RBFOX1: variants seen among roughly 807,000 people sequenced by gnomAD.
RBFOX1 encodes RNA binding protein fox-1 homolog 1.
A neutral mutation model predicts 57.7 loss-of-function variants in RBFOX1; 8 were observed. The ratio of observed to expected loss-of-function variants is 0.14; its 90% CI spans 0.08 to 0.25. The LOEUF is 0.25. Ranked by LOEUF, RBFOX1 falls within the 10% of genes least tolerant of loss-of-function variation. RBFOX1 has a pLI of 1.00. For missense variants in RBFOX1, 611 were observed against 548.5 expected (o/e 1.11, Z -1.14); for synonymous variants, 326 against 222.4 (o/e 1.47, Z -4.15).
At chr16:6,298,188 G>A (rs1339686786) in intron 1 of RBFOX1, among the ~76,000 whole-genome samples, 1 of 152,206 alleles carries the variant, frequency 6.6e-6, no homozygotes, top group African/African-American at 2.4e-5. Context: ...GGTTTGAGCA[G>A]TGGCAGCAAT....
chr16:5,810,848 C>G (rs1177649538), intron 3 of RBFOX1, among the ~76,000 whole-genome samples: 2 of 152,036 alleles, frequency 1.3e-5, no homozygotes, highest in African/African-American at 2.4e-5. Flanking sequence ...TGGGAATGTT[C>G]TCTTGTTTAG....
At chr16:6,509,255 G>T (rs13332367) in intron 2 of RBFOX1, among the ~76,000 whole-genome samples, 13,929 of 152,160 alleles carry the variant, frequency 0.092, 745 homozygotes, top group Middle Eastern at 0.13. Flanking sequence ...TTCCTATGCG[G>T]TTATTTGAGC....
chr16:7,292,479 TATATA>T (rs1227908997), intron 4 of RBFOX1, among the ~76,000 whole-genome samples: 5 of 139,598 alleles, frequency 3.6e-5, no homozygotes, highest in African/African-American at 1.3e-4. Flanking sequence ...TATAATGTAT[TATATA>T]ATATGTATTA....
At chr16:6,705,643 C>T (rs1164680188) in intron 3 of RBFOX1, 1 of 152,116 alleles carries the variant, frequency 6.6e-6, no homozygotes, top group African/African-American at 2.4e-5. Context: ...AAATATTTTA[C>T]AGTGCAAGAA....
At chr16:7,628,860 G>T (rs917766619) in intron 10 of RBFOX1, among the ~76,000 whole-genome samples, 1 of 152,036 alleles carries the variant, frequency 6.6e-6, no homozygotes, top group Non-Finnish European at 1.5e-5. Flanking sequence ...TGATCTACCT[G>T]CCTTGGCCTC....
chr16:5,364,691 C>T (rs1183173678), intron 1 of RBFOX1, among the ~76,000 whole-genome samples: 1 of 152,204 alleles, frequency 6.6e-6, no homozygotes, highest in African/African-American at 2.4e-5. Context: ...CCCTGGGTAC[C>T]TGCTTCTCTT....
At chr16:5,660,562 C>T (rs1276334900) in intron 3 of RBFOX1, among the ~76,000 whole-genome samples, 1 of 152,176 alleles carries the variant, frequency 6.6e-6, no homozygotes, top group African/African-American at 2.4e-5. Context: ...TGGGTGTTCT[C>T]ATCATCTCTT....
chr16:7,524,914 T>C (rs889490538), intron 5 of RBFOX1, among the ~76,000 whole-genome samples: 1 of 152,224 alleles, frequency 6.6e-6, no homozygotes, highest in Non-Finnish European at 1.5e-5. Flanking sequence ...CTAGCTATTA[T>C]TATTATCATC....
At chr16:6,872,040 A>G (rs1005658462) in intron 3 of RBFOX1, among the ~76,000 whole-genome samples, 10 of 150,878 alleles carry the variant, frequency 6.6e-5, no homozygotes, top group Non-Finnish European at 1.0e-4. Context: ...GTGTGTAGGT[A>G]TCGTTTCTGG....
At chr16:5,764,880 G>T (rs2053722495) in intron 3 of RBFOX1, among the ~76,000 whole-genome samples, 2 of 152,088 alleles carry the variant, frequency 1.3e-5, no homozygotes, top group Admixed American at 6.5e-5. Context: ...CTTTTATTCA[G>T]TTCCTGTGAT....
chr16:6,472,158 C>A (rs79101471), intron 2 of RBFOX1, among the ~76,000 whole-genome samples: 2,730 of 152,338 alleles, frequency 0.018, 77 homozygotes, highest in African/African-American at 0.06. Context: ...TTCTCAATTC[C>A]ACATTTCTTG....
intron 4 of RBFOX1, among the ~76,000 whole-genome samples, chr16:7,228,366 C>A (rs780016871): frequency 6.6e-6 from 1 of 152,110 alleles, no homozygotes. Context: ...TACTACCCCC[C>A]GCTGTCATTA....
At chr16:6,788,696 C>A (rs1276783431) in intron 3 of RBFOX1, among the ~76,000 whole-genome samples, 1 of 151,864 alleles carries the variant, frequency 6.6e-6, no homozygotes, top group South Asian at 2.1e-4. Context: ...AGGATGGTCT[C>A]TATCTCCTGA....
intron 1 of RBFOX1, among the ~76,000 whole-genome samples, chr16:6,219,287 T>C (rs2097356286): frequency 6.6e-6 from 1 of 151,110 alleles, no homozygotes; most frequent in African/African-American, 2.4e-5. Flanking sequence ...TGGGCAACAC[T>C]GGGAGACTGC....
intron 5 of RBFOX1, among the ~76,000 whole-genome samples, chr16:7,528,773 A>G (rs903811071): frequency 6.6e-6 from 1 of 152,244 alleles, no homozygotes; most frequent in African/African-American, 2.4e-5. Flanking sequence ...CTTTAGGTGC[A>G]TAGTAAGTTC....
intron 3 of RBFOX1, among the ~76,000 whole-genome samples, chr16:6,843,788 T>C (rs1328246613): frequency 6.6e-6 from 1 of 152,188 alleles, no homozygotes; most frequent in Non-Finnish European, 1.5e-5. Context: ...ACTATTCTGT[T>C]CCATGCCAAA....
chr16:7,006,429 A>C (rs1192256681), intron 3 of RBFOX1, among the ~76,000 whole-genome samples: 2 of 152,284 alleles, frequency 1.3e-5, no homozygotes, highest in East Asian at 3.9e-4. Context: ...CTGGGATTAC[A>C]GGCTTGAGCC....
rs563340565 is a variant in RBFOX1 at position 6,226,383 on chromosome 16, A to AAC, written c.-126-90611_-126-90610insCA. Among the ~76,000 whole-genome samples, 429 of 149,926 alleles carry AAC rather than the reference A, an allele frequency of 2.9e-3. 9 individuals carry two copies. Among genetic ancestry groups the AAC allele is most frequent in the South Asian group, 0.024 (115 of 4,740 alleles). ...AGTGAAACTCTGTCTCCAAAAAAAAAAAAAAAAACAAAAAAATATTTCCAA... is the reference window on the plus strand; with the variant it reads ...AGTGAAACTCTGTCTCCAAAAAAAAAACAAAAAAAACAAAAAAATATTTCCAA... On this transcript the variant is annotated intron_variant, in intron 1 of 15. Coordinates refer to ENST00000550418, the MANE Select transcript of RBFOX1 (RefSeq NM_018723.4).
At chr16:6,537,246 C>T (rs1476979) in intron 2 of RBFOX1, among the ~76,000 whole-genome samples, 80,711 of 152,012 alleles carry the variant, frequency 0.53, 21,823 homozygotes, top group East Asian at 0.77. Flanking sequence ...TTCCTGATGC[C>T]GGTTCGTGCA....
Sources: gnomAD v4.1 joint callset for allele counts (sites outside exome capture counted in the v4.1 genomes callset) on GRCh38, gnomAD v4.1.1 for gene constraint, MANE v1.5 for transcripts, NCBI Gene and HGNC (gene_info 2026-07-23, HGNC 2026-07-21) for gene names.